RNLS: variants seen among roughly 807,000 people sequenced by gnomAD.
RNLS encodes renalase, FAD dependent amine oxidase.
Under a neutral mutation model 39.8 loss-of-function variants are expected in RNLS, and 39 were observed. That is an observed-to-expected ratio of 0.98 (90% CI 0.76 to 1.28). The LOEUF (loss-of-function observed/expected upper bound fraction) is 1.28, where lower values mean the gene tolerates loss of function less well. RNLS is among the 50% of genes most tolerant of loss of function. The pLI is 0.00. For missense variants in RNLS, 410 were observed against 413.3 expected (o/e 0.99, Z 0.07); for synonymous variants, 147 against 150.7 (o/e 0.98, Z 0.18).
At chr10:88,287,663 C>T (rs1407198653) in intron 6 of RNLS, among the ~76,000 whole-genome samples, 2 of 151,980 alleles carry the variant, frequency 1.3e-5, no homozygotes, top group African/African-American at 4.8e-5. Flanking sequence ...GCTGAGGAGG[C>T]CTCGAGAAAC....
chr10:88,560,105 A>G (rs1849088874), intron 4 of RNLS, among the ~76,000 whole-genome samples: 1 of 152,100 alleles, frequency 6.6e-6, no homozygotes, highest in East Asian at 1.9e-4. Context: ...TTCTATTAGG[A>G]AGACTTTCTT....
chr10:88,362,580 G>A lies in RNLS; in HGVS notation c.672C>T (p.Val224=). 1.2e-6 allele frequency: 2 copies of A among 1,613,790 alleles called. No individual in the cohort carries two copies. The highest frequency in any genetic ancestry group is 1.7e-6 in the Non-Finnish European group (2 of 1,179,836). ...YITSNPCIRF[V]SIDNKKRNIE... The stretch of plus-strand genomic sequence containing the variant: ...TATTGCGCTTCTTATTATCAATGGA[G>A]ACGAAGCGTATGCAGGGATTACTGG... Residue 224 remains valine (V), a synonymous_variant, in exon 5 of 7, where the codon GTC becomes GTT. Transcript: ENST00000331772.
chr10:88,393,384 C>T (rs1852338120), intron 4 of RNLS, among the ~76,000 whole-genome samples: 1 of 152,040 alleles, frequency 6.6e-6, no homozygotes, highest in African/African-American at 2.4e-5. Context: ...CACAAGCATT[C>T]TTATACACCA....
intron 5 of RNLS, among the ~76,000 whole-genome samples, chr10:88,321,052 A>T (rs1208972063): frequency 6.6e-6 from 1 of 151,858 alleles, no homozygotes; most frequent in Non-Finnish European, 1.5e-5. Flanking sequence ...GATTGGCCAT[A>T]TAGCAAATCT....
chr10:88,466,502 T>G (rs1291669547), intron 4 of RNLS, among the ~76,000 whole-genome samples: 1 of 152,110 alleles, frequency 6.6e-6, no homozygotes, highest in African/African-American at 2.4e-5. Flanking sequence ...GCCTTGGAAA[T>G]TTTTCAGTGA....
chr10:88,575,532 A>G (rs1014816547), intron 3 of RNLS, among the ~76,000 whole-genome samples: 5 of 151,972 alleles, frequency 3.3e-5, no homozygotes, highest in African/African-American at 1.2e-4. Context: ...AAAAAGCAGC[A>G]TTTATCAAGA....
At chr10:88,418,868 TA>T (rs1854203790) in intron 4 of RNLS, among the ~76,000 whole-genome samples, 1 of 152,222 alleles carries the variant, frequency 6.6e-6, no homozygotes, top group Non-Finnish European at 1.5e-5. Flanking sequence ...TTACAGCAGA[TA>T]ACCTGTTGGT....
rs1186546548 is a variant in RNLS at position 88,285,260 on chromosome 10, A to G, written c.*94T>C. 7.1e-7 allele frequency: 1 copy of G among 1,410,424 alleles called. No homozygotes were observed. Among genetic ancestry groups the G allele is most frequent in the Non-Finnish European group, 9.3e-7 (1 of 1,077,398 alleles). The allele number at this position is 1,410,424 out of a possible 1,614,324, so 87.4% of individuals were successfully genotyped here. A position where few individuals can be genotyped will look rare whatever the true frequency, so the allele number is the denominator to read the frequency against. On this transcript the variant is annotated 3_prime_UTR_variant, in exon 7 of 7. Coordinates refer to ENST00000331772, the MANE Select transcript of RNLS (RefSeq NM_001031709.3). ...ATAAGTGAAGAACAATTTTCCAGTA[A>G]TTTTTCTTAGCAAAATAGAAAACAA...
At chr10:88,427,663 A>G (rs1260236796) in intron 4 of RNLS, among the ~76,000 whole-genome samples, 1 of 152,138 alleles carries the variant, frequency 6.6e-6, no homozygotes, top group East Asian at 1.9e-4. Context: ...ACTATTTGAT[A>G]CAAATAAAGG....
At chr10:88,230,625 A>G in the RNLS span, among the ~76,000 whole-genome samples, 1 of 152,172 alleles carries the variant, frequency 6.6e-6, no homozygotes, top group African/African-American at 2.4e-5. Context: ...GTCCAAATTC[A>G]TTACTCACAC....
chr10:88,482,122 G>A (rs985069405), intron 4 of RNLS, among the ~76,000 whole-genome samples: 1 of 152,032 alleles, frequency 6.6e-6, no homozygotes, highest in Non-Finnish European at 1.5e-5. Context: ...GTTGTGTGTC[G>A]AGATGTGGAT....
chr10:88,397,549 C>T (rs1393547056), intron 4 of RNLS, among the ~76,000 whole-genome samples: 1 of 151,290 alleles, frequency 6.6e-6, no homozygotes, highest in African/African-American at 2.4e-5. Context: ...TCTGACATTC[C>T]AACTTACAAA....
At chr10:88,560,813 T>G (rs1173406873) in intron 4 of RNLS, among the ~76,000 whole-genome samples, 1 of 152,010 alleles carries the variant, frequency 6.6e-6, no homozygotes, top group African/African-American at 2.4e-5. Context: ...ACCACACATA[T>G]GGTCTACATA....
At chr10:88,498,768 G>A (rs554286493) in intron 4 of RNLS, among the ~76,000 whole-genome samples, 5 of 152,038 alleles carry the variant, frequency 3.3e-5, no homozygotes, top group African/African-American at 1.2e-4. Context: ...ACTAATGTGT[G>A]TATATACGTA....
chr10:88,374,818 C>T (rs774788945), intron 4 of RNLS, among the ~76,000 whole-genome samples: 25 of 152,106 alleles, frequency 1.6e-4, no homozygotes, highest in Admixed American at 3.9e-4. Context: ...TCCATGCAGA[C>T]TATTTTTCCA....
intron 4 of RNLS, among the ~76,000 whole-genome samples, chr10:88,526,011 A>G (rs1272765387): frequency 6.6e-6 from 1 of 152,040 alleles, no homozygotes; most frequent in African/African-American, 2.4e-5. Context: ...GTGAAGTCCA[A>G]GTGACTTTGC....
At chr10:88,449,621 T>A (rs1842252119) in intron 4 of RNLS, among the ~76,000 whole-genome samples, 1 of 152,198 alleles carries the variant, frequency 6.6e-6, no homozygotes, top group Non-Finnish European at 1.5e-5. Context: ...AATATTTGTC[T>A]AACAAATCAA....
intron 4 of RNLS, among the ~76,000 whole-genome samples, chr10:88,538,094 A>G (rs894404791): frequency 3.9e-5 from 6 of 152,184 alleles, no homozygotes; most frequent in Non-Finnish European, 8.8e-5. Flanking sequence ...ATGTGGAAAT[A>G]ATTTGTACAC....
intron 4 of RNLS, among the ~76,000 whole-genome samples, chr10:88,559,835 A>G (rs1849074891): frequency 3.9e-5 from 6 of 152,144 alleles, no homozygotes; most frequent in Admixed American, 3.9e-4. Flanking sequence ...CTGTTAATTA[A>G]TTAAAGTTGT....
Sources: gnomAD v4.1 joint callset for allele counts (sites outside exome capture counted in the v4.1 genomes callset) on GRCh38, gnomAD v4.1.1 for gene constraint, MANE v1.5 for transcripts, NCBI Gene and HGNC (gene_info 2026-07-23, HGNC 2026-07-21) for gene names.